CLDN16: variants seen among roughly 807,000 people sequenced by gnomAD.
CLDN16 encodes the protein claudin-16.
CLDN16 carries 13 observed loss-of-function variants against 24.6 expected under a neutral mutation model. The observed-to-expected ratio is 0.53, with a 90% CI of 0.34 to 0.84. CLDN16 has a LOEUF of 0.84. Ranked by LOEUF, CLDN16 falls within the 40% of genes least tolerant of loss-of-function variation. The pLI is 0.01. For synonymous variants in CLDN16, 116 were observed against 106.7 expected (o/e 1.09, Z -0.54); for missense variants, 298 against 292.7 (o/e 1.02, Z -0.13).
chr3:190,407,113 T>C (rs1488851604), intron 3 of CLDN16, among the ~76,000 whole-genome samples: 1 of 152,162 alleles, frequency 6.6e-6, no homozygotes, highest in Non-Finnish European at 1.5e-5. Context: ...TTTAAATAGA[T>C]ATCACAGACT....
rs1718988075 is a variant in CLDN16 at position 190,402,454 on chromosome 3, G to T, written c.217+15G>T. 4.4e-6 allele frequency: 7 copies of T among 1,576,538 alleles called. No homozygotes were observed. Among genetic ancestry groups the T allele is most frequent in the Non-Finnish European group, 6.1e-6 (7 of 1,145,964 alleles). Reference sequence around the variant, plus strand: ...GGAGCATCCCTGTACGTATGCCTTAGAGCTCACTGCTTGCCAGGAAGGGAA... The same window carrying T: ...GGAGCATCCCTGTACGTATGCCTTATAGCTCACTGCTTGCCAGGAAGGGAA... On this transcript the variant is annotated intron_variant, in intron 2 of 4. Transcript: ENST00000264734.
intron 2 of CLDN16, among the ~76,000 whole-genome samples, chr3:190,374,101 A>G (rs536387164): frequency 1.1e-4 from 16 of 152,050 alleles, no homozygotes; most frequent in African/African-American, 3.4e-4. Flanking sequence ...GTTGGGTTTT[A>G]TGTCATATAA....
intron 1 of CLDN16, among the ~76,000 whole-genome samples, chr3:190,347,911 G>A (rs1261170259): frequency 6.6e-6 from 1 of 151,908 alleles, no homozygotes; most frequent in Non-Finnish European, 1.5e-5. Context: ...CTGGAGCATA[G>A]GGAACCTAGT....
At chr3:190,403,390 A>G (rs1036249831) in intron 2 of CLDN16, among the ~76,000 whole-genome samples, 1 of 152,196 alleles carries the variant, frequency 6.6e-6, no homozygotes, top group African/African-American at 2.4e-5. Flanking sequence ...CCATGTTGCT[A>G]TGAATAAAGA....
the CLDN16 span, among the ~76,000 whole-genome samples, chr3:190,309,324 C>T: frequency 6.6e-6 from 1 of 152,186 alleles, no homozygotes; most frequent in East Asian, 1.9e-4. Context: ...AGTTTCTATT[C>T]TTACACTGTA....
chr3:190,298,375 A>C, the CLDN16 span, among the ~76,000 whole-genome samples: 22 of 149,324 alleles, frequency 1.5e-4, no homozygotes, highest in Non-Finnish European at 2.1e-4. Flanking sequence ...ACACACACAC[A>C]CCTTAACAAT....
intron 1 of CLDN16, among the ~76,000 whole-genome samples, chr3:190,331,209 G>C (rs1279445933): frequency 1.3e-5 from 2 of 152,176 alleles, no homozygotes; most frequent in African/African-American, 4.8e-5. Context: ...GCTGGAATTT[G>C]AATGCAAACA....
At chr3:190,387,758 C>T (rs1008212963), upstream of CLDN16, 1 of 311,544 alleles carries the variant, frequency 3.2e-6, no homozygotes, top group African/African-American at 2.1e-5. Context: ...AATGCAGACT[C>T]CCTTGAGCGA....
chr3:190,386,732 C>T (rs1718507445), upstream of CLDN16, among the ~76,000 whole-genome samples: 1 of 152,060 alleles, frequency 6.6e-6, no homozygotes. Context: ...ACTGTAGACC[C>T]TATGTATAGA....
chr3:190,295,096 G>A, the CLDN16 span, among the ~76,000 whole-genome samples: 1 of 152,006 alleles, frequency 6.6e-6, no homozygotes, highest in East Asian at 1.9e-4. Flanking sequence ...GGCAAGACAC[G>A]CTCATATTCA....
At chr3:190,388,921 A>G (rs2108658735) in intron 1 of CLDN16, among the ~76,000 whole-genome samples, 1 of 152,342 alleles carries the variant, frequency 6.6e-6, no homozygotes, top group African/African-American at 2.4e-5. Context: ...AACCTACCCA[A>G]TTAACATGCA....
intron 1 of CLDN16, among the ~76,000 whole-genome samples, chr3:190,368,385 C>A (rs1207649640): frequency 1.3e-5 from 2 of 151,936 alleles, no homozygotes; most frequent in African/African-American, 4.8e-5. Context: ...TCAGATGAGA[C>A]TATAGCCTTA....
At chr3:190,406,724 G>A (rs1038505731) in intron 3 of CLDN16, among the ~76,000 whole-genome samples, 3 of 145,898 alleles carry the variant, frequency 2.1e-5, no homozygotes, top group Non-Finnish European at 4.5e-5. Flanking sequence ...TAAAGGTTAT[G>A]TGTTTATTAT....
At chr3:190,311,105 A>G in the CLDN16 span, among the ~76,000 whole-genome samples, 18 of 152,312 alleles carry the variant, frequency 1.2e-4, no homozygotes, top group South Asian at 3.7e-3. Context: ...GACAGAAAAC[A>G]CTATTGCTTT....
the CLDN16 span, among the ~76,000 whole-genome samples, chr3:190,296,631 G>T: frequency 2.7e-5 from 4 of 150,882 alleles, no homozygotes; most frequent in Non-Finnish European, 5.9e-5. Flanking sequence ...CTCACTGCAG[G>T]CTCTGCCTCC....
chr3:190,331,262 A>G (rs1034632712), intron 1 of CLDN16, among the ~76,000 whole-genome samples: 15 of 152,198 alleles, frequency 9.9e-5, no homozygotes, highest in African/African-American at 3.4e-4. Flanking sequence ...TACCGTTGAC[A>G]TTAATGGTGG....
chr3:190,371,712 A>T (rs1718145540), intron 2 of CLDN16, among the ~76,000 whole-genome samples: 1 of 151,996 alleles, frequency 6.6e-6, no homozygotes, highest in East Asian at 1.9e-4. Context: ...GGTGATCCAT[A>T]AATATTTGTT....
At chr3:190,299,556 T>C in the CLDN16 span, among the ~76,000 whole-genome samples, 1 of 152,134 alleles carries the variant, frequency 6.6e-6, no homozygotes, top group South Asian at 2.1e-4. Context: ...CTGAATTTTT[T>C]TTATATTTAA....
chr3:190,298,813 G>C, the CLDN16 span, among the ~76,000 whole-genome samples: 4 of 151,756 alleles, frequency 2.6e-5, no homozygotes, highest in Non-Finnish European at 5.9e-5. Flanking sequence ...CATTTTTACT[G>C]CTATAAAATG....
Sources: gnomAD v4.1 joint callset for allele counts (sites outside exome capture counted in the v4.1 genomes callset) on GRCh38, gnomAD v4.1.1 for gene constraint, MANE v1.5 for transcripts, NCBI Gene and HGNC (gene_info 2026-07-23, HGNC 2026-07-21) for gene names.